The following CTNND2 variants were observed in gnomAD, a reference collection of about 807,000 sequenced individuals.
The protein encoded by CTNND2 is catenin delta-2.
Under a neutral mutation model 144.4 loss-of-function variants are expected in CTNND2, and 22 were observed. The ratio of observed to expected loss-of-function variants is 0.15; its 90% CI spans 0.11 to 0.22. The LOEUF (loss-of-function observed/expected upper bound fraction) is 0.22. Among genes scored for constraint, CTNND2 ranks in the 10% least tolerant of loss-of-function variants. The probability of loss-of-function intolerance (pLI) is 1.00; values close to 1 mark genes in which losing one functional copy is unlikely to be tolerated. For synonymous variants in CTNND2, 751 were observed against 695.6 expected, an observed-to-expected ratio of 1.08 and a Z score of -1.25; for missense variants, 1,353 against 1,618.8, an observed-to-expected ratio of 0.84 and a Z score of 2.82.
At chr5:11,015,811 T>C (rs1214827738) in intron 18 of CTNND2, among the ~76,000 whole-genome samples, 3 of 152,238 alleles carry the variant, frequency 2.0e-5, no homozygotes, top group Admixed American at 2.0e-4. Context: ...ATTTATACCA[T>C]GTTCCTCATT....
chr5:11,369,208 C>A (rs987852594), intron 7 of CTNND2, among the ~76,000 whole-genome samples: 1 of 152,068 alleles, frequency 6.6e-6, no homozygotes, highest in Non-Finnish European at 1.5e-5. Context: ...GAATGAATGA[C>A]GTTCATAAGG....
At chr5:11,234,647 C>A (rs1357063261) in intron 10 of CTNND2, among the ~76,000 whole-genome samples, 1 of 152,178 alleles carries the variant, frequency 6.6e-6, no homozygotes, top group Non-Finnish European at 1.5e-5. Flanking sequence ...GGTGGCATTG[C>A]CACTGAGAGG....
intron 15 of CTNND2, among the ~76,000 whole-genome samples, chr5:11,089,822 C>T (rs527792940): frequency 1.1e-4 from 17 of 152,278 alleles, no homozygotes; most frequent in Non-Finnish European, 2.2e-4. Context: ...CCAGCCTGGC[C>T]AATATAGTGA....
At chr5:11,787,845 T>C (rs944662995) in intron 1 of CTNND2, among the ~76,000 whole-genome samples, 12 of 152,200 alleles carry the variant, frequency 7.9e-5, no homozygotes, top group Admixed American at 2.6e-4. Flanking sequence ...CCTAGTGAGA[T>C]TGTGTTCAGT....
intron 9 of CTNND2, among the ~76,000 whole-genome samples, chr5:11,340,625 TGTAAA>T (rs1280976529): frequency 6.6e-6 from 1 of 152,226 alleles, no homozygotes; most frequent in Non-Finnish European, 1.5e-5. Flanking sequence ...AAGAAGTGAA[TGTAAA>T]GTTCTTCATT....
chr5:11,647,293 C>T (rs1321432343), intron 2 of CTNND2, among the ~76,000 whole-genome samples: 3 of 152,120 alleles, frequency 2.0e-5, no homozygotes, highest in Admixed American at 6.5e-5. Flanking sequence ...AAGCTGTCTG[C>T]CTTCTCCATG....
intron 12 of CTNND2, among the ~76,000 whole-genome samples, chr5:11,140,248 C>G (rs1296273675): frequency 6.6e-6 from 1 of 152,194 alleles, no homozygotes; most frequent in African/African-American, 2.4e-5. Flanking sequence ...ACATGACAAT[C>G]TCCTGCCTCC....
chr5:11,061,874 A>G (rs1747026629), intron 16 of CTNND2, among the ~76,000 whole-genome samples: 1 of 152,020 alleles, frequency 6.6e-6, no homozygotes, highest in African/African-American at 2.4e-5. Context: ...ACACCCGGCT[A>G]ATTTTTATAT....
chr5:11,089,954 A>G (rs1331847498), intron 15 of CTNND2, among the ~76,000 whole-genome samples: 2 of 152,212 alleles, frequency 1.3e-5, no homozygotes, highest in East Asian at 3.9e-4. Flanking sequence ...GGTTGCAGTG[A>G]GCCAAGATCC....
At chr5:11,100,819 A>T (rs1264977759) in intron 14 of CTNND2, among the ~76,000 whole-genome samples, 1 of 152,202 alleles carries the variant, frequency 6.6e-6, no homozygotes, top group Non-Finnish European at 1.5e-5. Flanking sequence ...AGGTACAGAG[A>T]AGTAATATTT....
chr5:11,826,210 A>T (rs1793591035), intron 1 of CTNND2, among the ~76,000 whole-genome samples: 2 of 152,100 alleles, frequency 1.3e-5, no homozygotes, highest in Admixed American at 1.3e-4. Context: ...AGATTCTGAG[A>T]AAGACAAAAC....
chr5:11,257,328 A>C (rs1231185377), intron 9 of CTNND2, among the ~76,000 whole-genome samples: 4 of 152,224 alleles, frequency 2.6e-5, no homozygotes, highest in Non-Finnish European at 5.9e-5. Context: ...GAGTCATGGG[A>C]ATATTCTCAG....
intron 3 of CTNND2, among the ~76,000 whole-genome samples, chr5:11,435,881 T>A (rs1159341015): frequency 6.6e-6 from 1 of 152,210 alleles, no homozygotes; most frequent in Non-Finnish European, 1.5e-5. Flanking sequence ...GCTTTCAAAT[T>A]CACTGGGTGT....
intron 1 of CTNND2, among the ~76,000 whole-genome samples, chr5:11,835,346 T>C (rs902081120): frequency 2.0e-5 from 3 of 152,232 alleles, no homozygotes; most frequent in African/African-American, 2.4e-5. Context: ...TCCTTCCTTC[T>C]GTTTTCTGCA....
rs117532982 is a variant in CTNND2 at position 11,868,849 on chromosome 5, C to T, written c.37+34968G>A. Among the ~76,000 whole-genome samples, 316 of 152,244 alleles carry T rather than the reference C, an allele frequency of 2.1e-3. 9 individuals are homozygous for T. The East Asian group carries it at 0.047, about 23-fold the overall frequency. On this transcript the variant is annotated intron_variant, in intron 1 of 21. Transcript: ENST00000304623. ...GCAGCAAGAAGGTATTCACAAGATA[C>T]GGCCCCTGGACCTTAGACTTCTCAG...
intron 2 of CTNND2, among the ~76,000 whole-genome samples, chr5:11,669,874 C>T (rs1401542816): frequency 6.6e-6 from 1 of 152,154 alleles, no homozygotes; most frequent in Non-Finnish European, 1.5e-5. Flanking sequence ...CCTGCTTTCT[C>T]TTGTGGGCAT....
chr5:11,129,122 AATATATATTTATATATATT>A (rs1202005270), intron 12 of CTNND2, among the ~76,000 whole-genome samples: 223 of 15,956 alleles, frequency 0.014, 6 homozygotes, highest in South Asian at 0.057. Flanking sequence ...TATTATATAT[AATATATATTTATATATATT>A]ATATATAAAA....
chr5:11,574,707 G>C (rs75668991), intron 2 of CTNND2, among the ~76,000 whole-genome samples: 4,459 of 152,250 alleles, frequency 0.029, 105 homozygotes, highest in Middle Eastern at 0.078. Flanking sequence ...ACTTTTAAGA[G>C]GAGCACTGCC....
At chr5:11,346,072 C>T (rs1409827182) in intron 9 of CTNND2, among the ~76,000 whole-genome samples, 1 of 152,052 alleles carries the variant, frequency 6.6e-6, no homozygotes, top group Non-Finnish European at 1.5e-5. Context: ...ATGACATAGC[C>T]TCCAGTCCCC....
Sources: allele counts gnomAD v4.1 joint callset (sites outside exome capture counted in the v4.1 genomes callset), GRCh38; gene constraint gnomAD v4.1.1; transcripts MANE v1.5; gene names NCBI Gene and HGNC (gene_info 2026-07-23, HGNC 2026-07-21).